Variants in PATL1 observed in about 807,000 individuals in gnomAD.
PATL1 encodes PAT1 homolog 1, processing body mRNA decay factor.
PATL1 carries 32 observed loss-of-function variants against 100.6 expected under a neutral mutation model. The ratio of observed to expected loss-of-function variants is 0.32; its 90% CI spans 0.24 to 0.43. The LOEUF (loss-of-function observed/expected upper bound fraction) is 0.43. PATL1 is among the 20% of genes least tolerant of loss of function. PATL1 has a pLI of 1.00. For missense variants in PATL1, 747 were observed against 949.9 expected (o/e 0.79, Z 2.81); for synonymous variants, 332 against 330.0 (o/e 1.01, Z -0.07).
chr11:59,656,435 G>T, intron 6 of PATL1, 64 bp downstream of exon 6: 1 of 1,338,688 alleles, frequency 7.5e-7, no homozygotes, highest in Non-Finnish European at 1.1e-6. Context: ...TACTGGCAGT[G>T]ATCTTACAAA....
intron 2 of PATL1, among the ~76,000 whole-genome samples, chr11:59,661,248 G>T (rs1191494499): frequency 6.6e-6 from 1 of 152,066 alleles, no homozygotes; most frequent in East Asian, 1.9e-4. Context: ...ACCACACCAG[G>T]CTAATTTTTA....
At chr11:59,668,581 G>C (rs1186581436) in intron 1 of PATL1, among the ~76,000 whole-genome samples, 2 of 148,970 alleles carry the variant, frequency 1.3e-5, no homozygotes, top group African/African-American at 5.0e-5. Flanking sequence ...ACCCTCCGTG[G>C]CTCCTCTAGG....
chr11:59,668,057 C>T (rs1440252310), intron 1 of PATL1, among the ~76,000 whole-genome samples: 1 of 152,250 alleles, frequency 6.6e-6, no homozygotes, highest in Non-Finnish European at 1.5e-5. Context: ...CATGCCACTG[C>T]CTCCTTATCA....
At chr11:59,656,860 C>G (rs1340197832) in intron 5 of PATL1, among the ~76,000 whole-genome samples, 1 of 152,188 alleles carries the variant, frequency 6.6e-6, no homozygotes, top group Non-Finnish European at 1.5e-5. Context: ...GAGGGAGATA[C>G]CAGCAGATAT....
rs538799902 is a variant in PATL1 at position 59,659,717 on chromosome 11, T to C, written c.128-248A>G. ...ACCACACCTGGCTAATTTTTGTATT[T>C]TTAGTAGAGGTGGGGTTTCACCATG... On this transcript the variant is annotated intron_variant, in intron 2 of 18. Transcript: ENST00000300146. 3.9e-5 allele frequency among the ~76,000 whole-genome samples: 6 copies of C among 152,000 alleles called. No homozygotes were observed. In the South Asian group the frequency reaches 1.2e-3, roughly 32 times the overall value.
intron 16 of PATL1, 116 bp downstream of exon 16, chr11:59,642,764 C>G (rs1861304672): frequency 8.6e-7 from 1 of 1,164,254 alleles, no homozygotes; most frequent in South Asian, 1.8e-5. Context: ...TAATGTAACT[C>G]TTGACTGAAA....
Position 59,642,940 on chromosome 11 carries a change from A to G in PATL1, c.1989T>C (p.Pro663=). 1 of 1,613,988 alleles carries G rather than the reference A, an allele frequency of 6.2e-7. No homozygotes were observed. The highest frequency in any genetic ancestry group is 8.5e-7 in the Non-Finnish European group (1 of 1,179,868). The part of the protein sequence containing the change: ...TSLLRQLMNL[P]QSAATPALSN... The stretch of plus-strand genomic sequence containing the variant: ...AGAGTGCTGGTGTAGCTGCACTTTG[A>G]GGTAGGTTCATTAGCTGTCGCAAAA... The change falls in exon 16 of 19, where the codon CCT becomes CCC. Residue 663 remains proline (P), a synonymous_variant. Transcript: ENST00000300146.
chr11:59,645,779 G>C (rs1861356318), intron 15 of PATL1, among the ~76,000 whole-genome samples: 1 of 152,064 alleles, frequency 6.6e-6, no homozygotes, highest in Admixed American at 6.6e-5. Flanking sequence ...TCTTGAAGTT[G>C]GTTTGTGTAT....
intron 18 of PATL1, among the ~76,000 whole-genome samples, chr11:59,638,707 G>T (rs1177759038): frequency 6.6e-6 from 1 of 151,876 alleles, no homozygotes; most frequent in Non-Finnish European, 1.5e-5. Flanking sequence ...TTGAGACAGG[G>T]TCTTGCTCTG....
intron 2 of PATL1, among the ~76,000 whole-genome samples, chr11:59,660,677 A>G (rs1861614697): frequency 6.6e-6 from 1 of 152,184 alleles, no homozygotes; most frequent in Non-Finnish European, 1.5e-5. Context: ...AATGAGGTCA[A>G]GAAGTCATGA....
chr11:59,657,867 G>C, intron 4 of PATL1, 143 bp from the exon 5 acceptor site: 1 of 702,488 alleles, frequency 1.4e-6, no homozygotes, highest in South Asian at 3.3e-5. Flanking sequence ...TTCACTTTTT[G>C]GTATATGGTT....
chr11:59,659,514 C>G, intron 2 of PATL1, 45 bp from the exon 3 acceptor site: 1 of 1,443,866 alleles, frequency 6.9e-7, no homozygotes, highest in Non-Finnish European at 9.3e-7. Context: ...CATAGTGGTA[C>G]AAAAAAGTTT....
chr11:59,658,340 CAG>C lies in PATL1; in HGVS notation c.426+524_426+525del, dbSNP rs1216682117. On this transcript the variant is annotated intron_variant, in intron 4 of 18. Transcript: ENST00000300146. ...AAATGAGTTTTTTTTTTTTTTGAGA[CAG>C]AGTCTCACTCTGTTGCCCAGGCTGG... 2.3e-4 allele frequency among the ~76,000 whole-genome samples: 34 copies of C among 149,888 alleles called. No individual in the cohort carries two copies. In the East Asian group the frequency reaches 4.5e-3, roughly 20 times the overall value.
At position 59,636,753 on chromosome 11, in the gene PATL1, T is replaced by G. The variant is rs777685274; in HGVS notation, c.*1637A>C. The G allele has an allele frequency of 2.0e-5, 3 of 152,632 alleles. No homozygotes were observed. Among genetic ancestry groups the G allele is most frequent in the Non-Finnish European group, 4.4e-5 (3 of 68,038 alleles). 9.5% of individuals were successfully genotyped at this position (152,632 alleles called of 1,614,324 possible). The stretch of plus-strand genomic sequence containing the variant: ...CAATTTGTTTTTATTTACAATACCC[T>G]ATAAAAATGTAAATTTAGAAACTTT... On this transcript the variant is annotated 3_prime_UTR_variant, in exon 19 of 19. Coordinates refer to ENST00000300146, the MANE Select transcript of PATL1 (RefSeq NM_152716.3).
rs541454540 is a variant in PATL1 at position 59,653,717 on chromosome 11, G to A, written c.1121+266C>T. ...TATCCTCCCTGAAATGTTTTTCTAC[G>A]TTTATTACTTGTGTGTCTGTCTTTA... On this transcript the variant is annotated intron_variant, in intron 9 of 18. Coordinates refer to ENST00000300146, the MANE Select transcript of PATL1 (RefSeq NM_152716.3). Among the ~76,000 whole-genome samples the A allele has an allele frequency of 6.6e-5, 10 of 152,108 alleles. No individual in the cohort carries two copies. In the South Asian group the frequency reaches 1.9e-3, roughly 28 times the overall value.
At chr11:59,653,074 C>T (rs547882820) in intron 9 of PATL1, 56 bp from the exon 10 acceptor site, 16 of 1,385,838 alleles carry the variant, frequency 1.2e-5, no homozygotes, top group Non-Finnish European at 1.6e-5. Context: ...CGCTTTTTAA[C>T]AACAGAGGAA....
intron 16 of PATL1, 163 bp from the exon 17 acceptor site, chr11:59,639,546 G>A: frequency 3.3e-6 from 2 of 601,610 alleles, no homozygotes; most frequent in Non-Finnish European, 5.9e-6. Context: ...AGCATGAGTT[G>A]AAAGGCTATG....
intron 13 of PATL1, 94 bp from the exon 14 acceptor site, chr11:59,649,704 C>T: frequency 2.5e-6 from 3 of 1,215,868 alleles, no homozygotes; most frequent in Non-Finnish European, 3.3e-6. Flanking sequence ...TAGCTAAAGA[C>T]AAACTCATTA....
Position 59,647,793 on chromosome 11 carries a change from C to A in PATL1, c.1854G>T (p.Arg618Ser). The change falls in exon 15 of 19, where the codon AGG (arginine) becomes AGT (serine). Residue 618 changes from arginine (R) to serine (S), a missense_variant. By Grantham distance (110) the Arg-to-Ser change is moderately radical. This residue lies in a region of PATL1 where 434 missense variants were observed against 596.1 expected (regional missense o/e 0.73). Coordinates refer to ENST00000300146, the MANE Select transcript of PATL1 (RefSeq NM_152716.3). ...QAADILMTTARNLPFLIKKDA... is the reference protein window; with the variant it reads ...QAADILMTTASNLPFLIKKDA... ...CCTTCTTGATAAGGAAAGGGAGGTTCCTGGCTGTTGTCATGAGAATGTCAG... is the reference window on the plus strand; with the variant it reads ...CCTTCTTGATAAGGAAAGGGAGGTTACTGGCTGTTGTCATGAGAATGTCAG... 6.2e-7 allele frequency: 1 copy of A among 1,613,956 alleles called. No homozygotes were observed. The highest frequency in any genetic ancestry group is 8.5e-7 in the Non-Finnish European group (1 of 1,179,882).
Sources: gnomAD v4.1 joint callset for allele counts (sites outside exome capture counted in the v4.1 genomes callset) on GRCh38, gnomAD v4.1.1 for gene constraint, gnomAD v4.1.1 regional missense constraint, MANE v1.5 for transcripts, NCBI Gene and HGNC (gene_info 2026-07-23, HGNC 2026-07-21) for gene names.